NEB: variants seen among roughly 807,000 people sequenced by gnomAD.
NEB encodes the protein nemaline myopathy type 2.
A neutral mutation model predicts 952.2 loss-of-function variants in NEB; 512 were observed. The ratio of observed to expected loss-of-function variants is 0.54; its 90% CI spans 0.50 to 0.58. NEB has a LOEUF of 0.58. Among genes scored for constraint, NEB ranks in the 20% least tolerant of loss-of-function variants. The probability of loss-of-function intolerance (pLI) is 0.00; values close to 1 mark genes in which losing one functional copy is unlikely to be tolerated. For synonymous variants in NEB, 2,900 were observed against 3,149.8 expected (o/e 0.92, Z 2.66); for missense variants, 8,428 against 9,231.1 (o/e 0.91, Z 3.56).
intron 165 of NEB, 88 bp downstream of exon 165, chr2:151,505,390 G>T: frequency 8.7e-7 from 1 of 1,148,106 alleles, no homozygotes; most frequent in Non-Finnish European, 1.3e-6. Context: ...GGAAGCTCTT[G>T]ATAGGAAGCA....
chr2:151,701,509 T>A (rs1278531908), intron 13 of NEB, among the ~76,000 whole-genome samples: 1 of 150,878 alleles, frequency 6.6e-6, no homozygotes, highest in African/African-American at 2.4e-5. Flanking sequence ...CTCTTTTTGG[T>A]TGGTAAACTA....
chr2:151,576,064 T>G, intron 106 of NEB, 87 bp downstream of exon 106: 1 of 1,090,904 alleles, frequency 9.2e-7, no homozygotes. Context: ...AATAAAGTTT[T>G]TATTATTCTA....
In NEB at chr2:151,619,501, C is replaced by A. The variant is rs776058092; in HGVS notation, c.10822G>T (p.Asp3608Tyr). Residue 3608 changes from aspartate to tyrosine, a missense_variant, in exon 73 of 182, where the codon GAC becomes TAC. Asp to Tyr is a radical substitution (Grantham distance 160). Coordinates refer to ENST00000397345, the MANE Select transcript of NEB (RefSeq NM_001164508.2). ...CGTGCATGAATGATGTCATTCTGGT[C>A]GGGCAGGCAGATCCATTCATGCAGA... The part of the protein sequence containing the change: ...HPLHEWICLP[D>Y]QNDIIHARKA... 5 of 1,612,788 alleles carry A rather than the reference C, an allele frequency of 3.1e-6. No homozygotes were observed. The highest frequency in any genetic ancestry group is 1.1e-5 in the South Asian group (1 of 91,010).
intron 10 of NEB, among the ~76,000 whole-genome samples, chr2:151,713,352 C>A (rs762689435): frequency 3.3e-4 from 50 of 152,166 alleles, no homozygotes; most frequent in Non-Finnish European, 7.2e-4. Flanking sequence ...GTATAAAGAA[C>A]CCAGCTGGTA....
chr2:151,538,874 G>T (rs1189104122), intron 138 of NEB, among the ~76,000 whole-genome samples: 3 of 152,156 alleles, frequency 2.0e-5, no homozygotes, highest in Admixed American at 6.5e-5. Flanking sequence ...CACAAGATGG[G>T]TGCTTCTCTG....
chr2:151,535,270 C>G (rs1396459353), intron 142 of NEB, among the ~76,000 whole-genome samples: 2 of 152,224 alleles, frequency 1.3e-5, no homozygotes, highest in African/African-American at 4.8e-5. Flanking sequence ...CGTAGCTCTT[C>G]TAACAACTGA....
Position 151,544,414 on chromosome 2 carries a change from G to A in NEB, c.20577+1474C>T, listed in dbSNP as rs1446432543. 3.3e-5 allele frequency among the ~76,000 whole-genome samples: 5 copies of A among 152,190 alleles called. No individual in the cohort carries two copies. The East Asian group carries it at 9.7e-4, about 29-fold the overall frequency. ...ACATATTATTAAACAGAATCTCTAT[G>A]GAGCATCTAAAAGTGTATAGATGCC... On this transcript the variant is annotated intron_variant, in intron 135 of 181. Transcript: ENST00000397345.
intron 68 of NEB, among the ~76,000 whole-genome samples, chr2:151,628,657 A>G (rs2098586677): frequency 3.3e-5 from 5 of 152,088 alleles, no homozygotes; most frequent in Admixed American, 3.3e-4. Flanking sequence ...CCTAGCCAAC[A>G]TGGTGCAACG....
At position 151,609,879 on chromosome 2, in the gene NEB, T is replaced by C. The variant is rs199683595; in HGVS notation, c.12260A>G (p.His4087Arg). ...VTDIDYRNYL[H>R]EWTCMPDQND... ...TTGATCCGGCATGCATGTCCATTCATGCAGGTAATTGCGATAATCAATGTC... is the reference window on the plus strand; with the variant it reads ...TTGATCCGGCATGCATGTCCATTCACGCAGGTAATTGCGATAATCAATGTC... The change falls in exon 81 of 182, where the codon CAT (histidine) becomes CGT (arginine). Residue 4087 changes from histidine to arginine, a missense_variant. Coordinates refer to ENST00000397345, the MANE Select transcript of NEB (RefSeq NM_001164508.2). 22 of 1,612,866 alleles carry C rather than the reference T, an allele frequency of 1.4e-5. No individual in the cohort carries two copies. The South Asian group carries it at 1.6e-4, about 12-fold the overall frequency.
At position 151,687,873 on chromosome 2, in the gene NEB, A is replaced by G. The variant is rs2099515246; in HGVS notation, c.2416-140T>C. ...ATATTTATCAAATTGTAGTATAAGT[A>G]TTGATTTATCTATCATCCAGTTTCT... is the stretch of plus-strand genomic sequence containing the variant. On this transcript the variant is annotated intron_variant, in intron 25 of 181. Transcript: ENST00000397345. 3.6e-6 allele frequency: 3 copies of G among 824,512 alleles called. No individual in the cohort carries two copies. In the Admixed American group the frequency reaches 7.5e-5, roughly 21 times the overall value. The allele number at this position is 824,512 out of a possible 1,614,324, so 51.1% of individuals were successfully genotyped here.
In NEB at chr2:151,565,746, C is replaced by A; in HGVS notation, c.18231G>T (p.Arg6077Ser). The A allele has an allele frequency of 6.2e-7, 1 of 1,612,560 alleles. No individual in the cohort carries two copies. ...WIPLDSVDHV[R>S]VTKNQEMMSQ... ...TCATCATTTCCTGGTTCTTAGTAACCCTTACATGGTCCACAGAATCCAGTG... is the reference window on the plus strand; with the variant it reads ...TCATCATTTCCTGGTTCTTAGTAACACTTACATGGTCCACAGAATCCAGTG... The change falls in exon 115 of 182, where the codon AGG (arginine) becomes AGT (serine). Residue 6077 changes from arginine (R) to serine (S), a missense_variant. Around this residue, in one of 11 missense-constraint regions of NEB, gnomAD observed 3,374 missense variants for 3,651.5 expected, o/e 0.92. Coordinates refer to ENST00000397345, the MANE Select transcript of NEB (RefSeq NM_001164508.2).
Position 151,490,458 on chromosome 2 carries a change from C to G in NEB, c.25211G>C (p.Gly8404Ala), listed in dbSNP as rs756679545. 6.2e-7 allele frequency: 1 copy of G among 1,607,518 alleles called. No individual in the cohort carries two copies. Among genetic ancestry groups the G allele is most frequent in the African/African-American group, 1.3e-5 (1 of 74,906 alleles). The change falls in exon 180 of 182, where the codon GGG (glycine) becomes GCG (alanine). Residue 8404 changes from glycine to alanine, a missense_variant. By Grantham distance (60) the Gly-to-Ala change is moderately conservative (BLOSUM62 0). Around this residue, in one of 11 missense-constraint regions of NEB, gnomAD observed 3,374 missense variants for 3,651.5 expected, o/e 0.92. Transcript: ENST00000397345. ...SRSASALSIS[G>A]GEEKSEHSEA... ...TGAATGCTCAGACTTCTCCTCACCC[C>G]CACTGATGCTTAGTGCACTGGCAGA...
intron 18 of NEB, 38 bp downstream of exon 18, chr2:151,695,540 G>A: frequency 7.0e-7 from 1 of 1,435,732 alleles, no homozygotes; most frequent in Non-Finnish European, 9.8e-7. Context: ...AGCACAGGTT[G>A]TCAGTACATC....
In NEB at chr2:151,650,889, A is replaced by C. The variant is rs745912237; in HGVS notation, c.6916-4T>G. 42 of 1,599,250 alleles carry C rather than the reference A, an allele frequency of 2.6e-5. No homozygotes were observed. The African/African-American group carries it at 4.7e-4, about 18-fold the overall frequency. ...GGTAGCCTTGTTTGTATTTATACTG[A>C]AATCAGAGAAAACACAGCTCTTTTA... On this transcript the variant is annotated splice_region_variant and splice_polypyrimidine_tract_variant and intron_variant, in intron 52 of 181. Coordinates refer to ENST00000397345, the MANE Select transcript of NEB (RefSeq NM_001164508.2).
chr2:151,532,660 T>C (rs543850875), intron 143 of NEB, among the ~76,000 whole-genome samples: 6 of 151,862 alleles, frequency 4.0e-5, no homozygotes, highest in Admixed American at 1.3e-4. Flanking sequence ...AAGCTCTTAA[T>C]TGGAGCTTAA....
At chr2:151,724,106 C>G (rs2099783592) in intron 8 of NEB, among the ~76,000 whole-genome samples, 154 bp downstream of exon 8, 1 of 152,024 alleles carries the variant, frequency 6.6e-6, no homozygotes. Context: ...TCCTTTTTGC[C>G]AAGCCCTATC....
At chr2:151,619,328 G>A (rs985264118) in intron 73 of NEB, 123 bp downstream of exon 73, 6 of 1,113,692 alleles carry the variant, frequency 5.4e-6, no homozygotes, top group South Asian at 1.8e-5. Flanking sequence ...ACTCCTTTCA[G>A]ACATTTAATT....
At chr2:151,554,068 C>T in intron 125 of NEB, 43 bp from the exon 126 acceptor site, 1 of 1,591,448 alleles carries the variant, frequency 6.3e-7, no homozygotes, top group South Asian at 1.1e-5. Flanking sequence ...GGAAATTGTG[C>T]CAAGGCATCA....
At chr2:151,508,502 C>T (rs971322394) in intron 161 of NEB, among the ~76,000 whole-genome samples, 2 of 152,148 alleles carry the variant, frequency 1.3e-5, no homozygotes, top group African/African-American at 2.4e-5. Context: ...AACAGGCAGG[C>T]GGAGAGAAGC....
Sources: gnomAD v4.1 joint callset for allele counts (sites outside exome capture counted in the v4.1 genomes callset) on GRCh38, gnomAD v4.1.1 for gene constraint, gnomAD v4.1.1 regional missense constraint, MANE v1.5 for transcripts, NCBI Gene and HGNC (gene_info 2026-07-23, HGNC 2026-07-21) for gene names.